DLC1: variants seen among roughly 807,000 people sequenced by gnomAD.
DLC1 encodes DLC1 Rho GTPase activating protein, also known as rho GTPase-activating protein 7.
Under a neutral mutation model 140.3 loss-of-function variants are expected in DLC1, and 54 were observed. The ratio of observed to expected loss-of-function variants is 0.38; its 90% CI spans 0.31 to 0.48. DLC1 has a LOEUF of 0.48. Ranked by LOEUF, DLC1 falls within the 20% of genes least tolerant of loss-of-function variation. The probability of loss-of-function intolerance (pLI) is 0.96; values close to 1 mark genes in which losing one functional copy is unlikely to be tolerated. For synonymous variants in DLC1, 986 were observed against 728.1 expected (o/e 1.35, Z -5.70); for missense variants, 2,536 against 1,907.0 (o/e 1.33, Z -6.14).
chr8:13,270,540 A>G (rs959351689), intron 5 of DLC1, among the ~76,000 whole-genome samples: 2 of 152,158 alleles, frequency 1.3e-5, no homozygotes, highest in Non-Finnish European at 2.9e-5. Flanking sequence ...ACTTTCAGAT[A>G]TCGTATATCT....
At chr8:13,302,051 G>A (rs1832219324) in intron 5 of DLC1, among the ~76,000 whole-genome samples, 1 of 152,334 alleles carries the variant, frequency 6.6e-6, no homozygotes, top group African/African-American at 2.4e-5. Flanking sequence ...ATCGATACTT[G>A]TGTGATCAGT....
At chr8:13,301,666 A>T (rs2117505317) in intron 5 of DLC1, among the ~76,000 whole-genome samples, 1 of 152,206 alleles carries the variant, frequency 6.6e-6, no homozygotes, top group African/African-American at 2.4e-5. Context: ...GGGATCCCCA[A>T]CCCCCAAGCC....
At chr8:13,580,269 A>T (rs2898368) in intron 1 of DLC1, among the ~76,000 whole-genome samples, 1 of 151,980 alleles carries the variant, frequency 6.6e-6, no homozygotes, top group Non-Finnish European at 1.5e-5. Context: ...CCTACAGGCG[A>T]CCGCCACCAC....
intron 5 of DLC1, among the ~76,000 whole-genome samples, chr8:13,290,019 T>C (rs867993253): frequency 1.1e-4 from 17 of 152,148 alleles, no homozygotes; most frequent in Middle Eastern, 6.8e-3. Context: ...TTCTTTTACC[T>C]TGACTCTAAG....
intron 4 of DLC1, among the ~76,000 whole-genome samples, chr8:13,382,395 T>C (rs1836309240): frequency 6.7e-6 from 1 of 148,324 alleles, no homozygotes; most frequent in Non-Finnish European, 1.5e-5. Context: ...TAGTCCCAGC[T>C]ACTCGGGAGG....
intron 2 of DLC1, among the ~76,000 whole-genome samples, chr8:13,470,083 C>G (rs1800138905): frequency 3.3e-5 from 5 of 150,094 alleles, no homozygotes; most frequent in Admixed American, 3.3e-4. Flanking sequence ...TTTTTTCCCC[C>G]TTTGGTGAAC....
chr8:13,140,920 G>A (rs1381041631), intron 5 of DLC1, among the ~76,000 whole-genome samples: 1 of 152,010 alleles, frequency 6.6e-6, no homozygotes, highest in East Asian at 1.9e-4. Context: ...CTCTCCCCTA[G>A]TATCACATAT....
chr8:13,188,704 C>T (rs1219346989), intron 5 of DLC1, among the ~76,000 whole-genome samples: 2 of 143,734 alleles, frequency 1.4e-5, no homozygotes, highest in African/African-American at 5.1e-5. Flanking sequence ...AACTGGGTTT[C>T]AGTTCAAACA....
chr8:13,443,594 C>A (rs912871123), intron 2 of DLC1, among the ~76,000 whole-genome samples: 1 of 145,638 alleles, frequency 6.9e-6, no homozygotes, highest in African/African-American at 2.5e-5. Flanking sequence ...AGAGGCGGAG[C>A]TTGCAGTGAG....
Position 13,307,838 on chromosome 8 carries a change from A to C in DLC1, c.1315-2536T>G, listed in dbSNP as rs972756820. Among the ~76,000 whole-genome samples the C allele has an allele frequency of 2.4e-4, 36 of 152,332 alleles. 1 individual carries two copies. The highest frequency in any genetic ancestry group is 3.4e-3 in the Middle Eastern group (1 of 294). ...TGTGAGGTCATGCTGTCACTAACGG[A>C]AGCAAGGCACAATACAGGCATGCTG... On this transcript the variant is annotated intron_variant, in intron 4 of 17. Coordinates refer to ENST00000276297, the MANE Select transcript of DLC1 (RefSeq NM_182643.3).
rs10086073 is a variant in DLC1, at chr8:13,161,531, G to C, written c.1349-45874C>G. On this transcript the variant is annotated intron_variant, in intron 5 of 17. Transcript: ENST00000276297. ...AATTTTTTACTTTTTGGTTGAGACA[G>C]GTCTTGCTTTGTTGCCGCTGGTCTT... 7.9e-5 allele frequency among the ~76,000 whole-genome samples: 12 copies of C among 151,956 alleles called. No individual in the cohort carries two copies. The East Asian group carries it at 1.9e-3, about 25-fold the overall frequency.
chr8:13,482,875 G>A (rs898469798), intron 2 of DLC1, among the ~76,000 whole-genome samples: 12 of 152,204 alleles, frequency 7.9e-5, no homozygotes, highest in Admixed American at 5.9e-4. Flanking sequence ...ACTAAGTAAT[G>A]AGTGTGACGG....
At chr8:13,395,749 ATG>A (rs34003571) in intron 3 of DLC1, among the ~76,000 whole-genome samples, 1 of 146,912 alleles carries the variant, frequency 6.8e-6, no homozygotes, top group African/African-American at 2.5e-5. Flanking sequence ...ATGTATGTGC[ATG>A]TGTGTGTGTG....
At chr8:13,372,165 G>T (rs1228347744) in intron 4 of DLC1, among the ~76,000 whole-genome samples, 2 of 151,184 alleles carry the variant, frequency 1.3e-5, no homozygotes, top group Non-Finnish European at 3.0e-5. Context: ...TGTGTGTGTG[G>T]CTTTGATAGT....
At chr8:13,185,283 G>A (rs10108242) in intron 5 of DLC1, among the ~76,000 whole-genome samples, 1 of 130,774 alleles carries the variant, frequency 7.6e-6, no homozygotes, top group African/African-American at 2.9e-5. Flanking sequence ...TGTCTTTTCT[G>A]TTTTTTTTGT....
At chr8:13,422,412 T>G (rs1188909954) in intron 2 of DLC1, among the ~76,000 whole-genome samples, 1 of 152,116 alleles carries the variant, frequency 6.6e-6, no homozygotes, top group Non-Finnish European at 1.5e-5. Flanking sequence ...CTTTTTTTTT[T>G]TCTTACCAAT....
intron 5 of DLC1, among the ~76,000 whole-genome samples, chr8:13,258,998 G>T (rs186895166): frequency 6.6e-6 from 1 of 151,822 alleles, no homozygotes; most frequent in East Asian, 1.9e-4. Context: ...TTAGCCGTGC[G>T]TGGTGGCGGG....
chr8:13,443,657 C>CA (rs11321891), intron 2 of DLC1, among the ~76,000 whole-genome samples: 4,097 of 65,758 alleles, frequency 0.062, 190 homozygotes, highest in African/African-American at 0.14. Flanking sequence ...GACTCCGTCT[C>CA]AAAAAAAAAA....
chr8:13,487,577 CT>C (rs36124888), intron 2 of DLC1, among the ~76,000 whole-genome samples: 401 of 143,384 alleles, frequency 2.8e-3, no homozygotes, highest in Middle Eastern at 3.6e-3. Context: ...AAATGTTTTC[CT>C]TTTTTTTTTT....
Sources: allele counts gnomAD v4.1 joint callset (sites outside exome capture counted in the v4.1 genomes callset), GRCh38; gene constraint gnomAD v4.1.1; transcripts MANE v1.5; gene names NCBI Gene and HGNC (gene_info 2026-07-23, HGNC 2026-07-21).